ZNF385C: variants seen among roughly 807,000 people sequenced by gnomAD.
ZNF385C encodes zinc finger protein 385C, also known as CTD-2132N18.2.
ZNF385C carries 28 observed loss-of-function variants against 35.4 expected under a neutral mutation model. The observed-to-expected ratio is 0.79, with a 90% confidence interval of 0.59 to 1.08. ZNF385C has a LOEUF of 1.08. Ranked by LOEUF, ZNF385C falls within the 50% of genes least tolerant of loss-of-function variation. ZNF385C has a pLI of 0.00. For synonymous variants in ZNF385C, 248 were observed against 248.2 expected, an observed-to-expected ratio of 1.00 and a Z score of 0.01; for missense variants, 605 against 595.6, an observed-to-expected ratio of 1.02 and a Z score of -0.16.
At position 42,050,535 on chromosome 17, in the gene ZNF385C, C is replaced by G. The variant is rs1362196017; in HGVS notation, c.250+12272G>C. ...GGCGTCCAGCCCGGCCTGGCGCCCC[C>G]GCCCCGTCCGCTCGCACTCACGGAG... On this transcript the variant is annotated intron_variant, in intron 2 of 8. Transcript: ENST00000692273. The surrounding 1 kb of genome is among the most constrained non-coding windows in gnomAD (Gnocchi z 5.6). The G allele has an allele frequency of 2.6e-5, 4 of 152,228 alleles. No individual in the cohort carries two copies. The highest frequency in any genetic ancestry group is 1.3e-4 in the Admixed American group (2 of 15,288). 9.4% of individuals were successfully genotyped at this position (152,228 alleles called of 1,614,324 possible). A position where few individuals can be genotyped will look rare whatever the true frequency, so the allele number is the denominator to read the frequency against.
intron 2 of ZNF385C, chr17:42,038,884 G>A (rs1555655739): frequency 6.6e-6 from 1 of 152,282 alleles, no homozygotes; most frequent in African/African-American, 2.4e-5. Flanking sequence ...TGTGCTGTGT[G>A]TCAGAAACAA....
At chr17:42,063,650 A>G (rs1343740087) in intron 1 of ZNF385C, among the ~76,000 whole-genome samples, 1 of 152,240 alleles carries the variant, frequency 6.6e-6, no homozygotes, top group Admixed American at 6.5e-5. Flanking sequence ...GGAGGGCCGC[A>G]GAACATATCT....
At chr17:42,040,780 T>G (rs1475385699) in intron 2 of ZNF385C, 1 of 1,232,174 alleles carries the variant, frequency 8.1e-7, no homozygotes, top group Admixed American at 4.2e-5. Flanking sequence ...GAATAGGGCA[T>G]CCAATATGCT....
At chr17:42,084,468 T>A (rs1021541350) in intron 1 of ZNF385C, among the ~76,000 whole-genome samples, 3 of 152,166 alleles carry the variant, frequency 2.0e-5, no homozygotes, top group African/African-American at 7.2e-5. Context: ...TAAGCCTTTT[T>A]AAACTAAATA....
At chr17:42,075,651 C>T (rs868980742) in intron 1 of ZNF385C, among the ~76,000 whole-genome samples, 50 of 152,036 alleles carry the variant, frequency 3.3e-4, no homozygotes, top group Non-Finnish European at 4.6e-4. Flanking sequence ...CCCACCACCA[C>T]GCCCAGCTCA....
At chr17:42,053,411 C>T (rs782041169) in intron 2 of ZNF385C, among the ~76,000 whole-genome samples, 1 of 152,014 alleles carries the variant, frequency 6.6e-6, no homozygotes, top group Non-Finnish European at 1.5e-5. Flanking sequence ...TTTCTGTCCC[C>T]CTCTGTCTGC....
intron 1 of ZNF385C, among the ~76,000 whole-genome samples, chr17:42,090,881 C>CA (rs34276289): frequency 1.3e-5 from 2 of 151,690 alleles, no homozygotes; most frequent in African/African-American, 4.8e-5. Context: ...GACTCCGTCT[C>CA]AAAAAAAAGA....
At chr17:42,036,028 C>T (rs1298870978) in intron 3 of ZNF385C, among the ~76,000 whole-genome samples, 2 of 149,654 alleles carry the variant, frequency 1.3e-5, no homozygotes, top group Non-Finnish European at 3.0e-5. Context: ...TGGAGTCTCC[C>T]TCTTGTCGCC....
intron 2 of ZNF385C, chr17:42,040,552 T>C (rs1329560892): frequency 8.1e-7 from 1 of 1,232,868 alleles, no homozygotes; most frequent in Non-Finnish European, 1.0e-6. Context: ...GAAGGTGAAC[T>C]GGCGCAGGGC....
At chr17:42,032,576 G>T (rs941429769) in intron 4 of ZNF385C, among the ~76,000 whole-genome samples, 1 of 152,212 alleles carries the variant, frequency 6.6e-6, no homozygotes, top group African/African-American at 2.4e-5. Context: ...ACTTTGGGGT[G>T]TATGTACCCC....
At position 42,037,797 on chromosome 17, in the gene ZNF385C, G is replaced by C. The variant is rs1555655630; in HGVS notation, c.339C>G (p.His113Gln). ...RPLQPPLDFK[H>Q]LLAFHFNGAA... ...CGCCATTGAAGTGGAAGGCGAGCAA[G>C]TGCTTGAAGTCCAGCGGGGGCTGCA... The change falls in exon 3 of 9, where the codon CAC (histidine) becomes CAG (glutamine). Residue 113 changes from histidine to glutamine, a missense_variant. Transcript: ENST00000692273. The C allele has an allele frequency of 2.0e-6, 3 of 1,530,820 alleles. No individual in the cohort carries two copies. The highest frequency in any genetic ancestry group is 2.5e-5 in the South Asian group (2 of 80,782). 94.8% of individuals were successfully genotyped at this position (1,530,820 alleles called of 1,614,324 possible). A position where few individuals can be genotyped will look rare whatever the true frequency, so the allele number is the denominator to read the frequency against.
intron 2 of ZNF385C, chr17:42,062,189 C>T (rs1303580647): frequency 2.6e-5 from 4 of 152,800 alleles, no homozygotes; most frequent in African/African-American, 9.7e-5. Flanking sequence ...CCCTATGGCC[C>T]CTGTGCACCT....
intron 2 of ZNF385C, among the ~76,000 whole-genome samples, chr17:42,049,009 C>T (rs2053230064): frequency 6.6e-6 from 1 of 152,094 alleles, no homozygotes. Context: ...AAGGCCAGTG[C>T]CAGAATTCCT....
chr17:42,045,742 G>A (rs1356763923), intron 2 of ZNF385C, among the ~76,000 whole-genome samples: 2 of 152,086 alleles, frequency 1.3e-5, no homozygotes, highest in Non-Finnish European at 2.9e-5. Flanking sequence ...ATTTCCCCCA[G>A]ACTCATCCCT....
At chr17:42,052,195 GC>G (rs2143771880) in intron 2 of ZNF385C, among the ~76,000 whole-genome samples, 1 of 152,296 alleles carries the variant, frequency 6.6e-6, no homozygotes, top group Non-Finnish European at 1.5e-5. Context: ...AGAAGAAGAG[GC>G]TGCCCCCAAA....
At chr17:42,084,789 A>AT (rs1264439922) in intron 1 of ZNF385C, among the ~76,000 whole-genome samples, 2 of 149,118 alleles carry the variant, frequency 1.3e-5, no homozygotes, top group African/African-American at 2.5e-5. Flanking sequence ...TTAAAAAAAA[A>AT]TTTTTTTTTT....
At chr17:42,043,500 G>A (rs549997415) in intron 2 of ZNF385C, 15 of 821,172 alleles carry the variant, frequency 1.8e-5, no homozygotes, top group African/African-American at 1.1e-4. Flanking sequence ...GGGGCAGCCC[G>A]CCAGGCTAAC....
chr17:42,084,781 A>T (rs1012946290), intron 1 of ZNF385C, among the ~76,000 whole-genome samples: 12 of 151,468 alleles, frequency 7.9e-5, no homozygotes, highest in African/African-American at 2.4e-4. Flanking sequence ...CAGCTAATTT[A>T]AAAAAAAATT....
At chr17:42,075,040 G>A (rs1278056796) in intron 1 of ZNF385C, among the ~76,000 whole-genome samples, 8 of 152,150 alleles carry the variant, frequency 5.3e-5, no homozygotes, top group Non-Finnish European at 1.0e-4. Context: ...TTGCATAATG[G>A]TCGTAGATCT....
Sources: gnomAD v4.1 joint callset for allele counts (sites outside exome capture counted in the v4.1 genomes callset) on GRCh38, gnomAD v4.1.1 for gene constraint, Gnocchi (gnomAD v3.1) non-coding constraint, MANE v1.5 for transcripts, NCBI Gene and HGNC (gene_info 2026-07-23, HGNC 2026-07-21) for gene names.